PRKG1: variants seen among roughly 807,000 people sequenced by gnomAD.
PRKG1 encodes the protein protein kinase cGMP-dependent 1.
Under a neutral mutation model 88.1 loss-of-function variants are expected in PRKG1, and 35 were observed. The observed-to-expected ratio is 0.40, with a 90% CI of 0.30 to 0.53. PRKG1 has a LOEUF of 0.53. Ranked by LOEUF, PRKG1 falls within the 20% of genes least tolerant of loss-of-function variation. The probability of loss-of-function intolerance (pLI) is 0.59; values close to 1 mark genes in which losing one functional copy is unlikely to be tolerated. For synonymous variants in PRKG1, 303 were observed against 292.5 expected, an observed-to-expected ratio of 1.04 and a Z score of -0.37; for missense variants, 540 against 839.8, an observed-to-expected ratio of 0.64 and a Z score of 4.41.
intron 2 of PRKG1, among the ~76,000 whole-genome samples, chr10:51,187,792 A>C (rs1303035201): frequency 6.6e-6 from 1 of 152,058 alleles, no homozygotes; most frequent in Non-Finnish European, 1.5e-5. Flanking sequence ...AATGAACAAT[A>C]GGAATTCTCT....
intron 5 of PRKG1, among the ~76,000 whole-genome samples, chr10:52,024,385 T>C (rs1845278249): frequency 6.6e-6 from 1 of 152,076 alleles, no homozygotes; most frequent in Admixed American, 6.6e-5. Flanking sequence ...AACGTGCAGG[T>C]TTTTAACATG....
intron 5 of PRKG1, among the ~76,000 whole-genome samples, chr10:52,008,998 C>T (rs1258281651): frequency 6.6e-6 from 1 of 152,092 alleles, no homozygotes; most frequent in East Asian, 1.9e-4. Flanking sequence ...TAAAAACCCT[C>T]GATAAACTAG....
At position 52,272,430 on chromosome 10, in the gene PRKG1, T is replaced by C; in HGVS notation, c.1352T>C (p.Met451Thr). Residue 451 changes from methionine to threonine, a missense_variant, in exon 12 of 18, where the codon ATG becomes ACG. By Grantham distance (81) the Met-to-Thr change is moderately conservative. Coordinates refer to ENST00000373980, the MANE Select transcript of PRKG1 (RefSeq NM_006258.4). ...RTFKDSKYLY[M>T]LMEACLGGEL... ...TTTAAGGACAGCAAATATTTGTATA[T>C]GTTGATGGAAGCTTGTCTAGGTGGA... 6.2e-7 allele frequency: 1 copy of C among 1,611,288 alleles called. No individual in the cohort carries two copies. The highest frequency in any genetic ancestry group is 8.5e-7 in the Non-Finnish European group (1 of 1,178,084).
chr10:51,755,333 A>G (rs915260393), intron 3 of PRKG1, among the ~76,000 whole-genome samples: 4 of 152,148 alleles, frequency 2.6e-5, no homozygotes, highest in African/African-American at 9.7e-5. Flanking sequence ...CCTGCCTTGT[A>G]TATTCTTTAA....
intron 3 of PRKG1, among the ~76,000 whole-genome samples, chr10:51,763,048 A>T (rs1231200517): frequency 6.6e-6 from 1 of 152,158 alleles, no homozygotes; most frequent in Non-Finnish European, 1.5e-5. Flanking sequence ...TTACAGAGGG[A>T]TGCCATCTCG....
intron 2 of PRKG1, among the ~76,000 whole-genome samples, chr10:51,436,276 A>G (rs1382003697): frequency 6.6e-6 from 1 of 151,732 alleles, no homozygotes; most frequent in African/African-American, 2.4e-5. Context: ...GTGAAAGGGC[A>G]AGCGTAAGGA....
chr10:51,419,735 T>C (rs1398741923), intron 2 of PRKG1, among the ~76,000 whole-genome samples: 1 of 151,706 alleles, frequency 6.6e-6, no homozygotes, highest in East Asian at 1.9e-4. Flanking sequence ...ATTAGTGATG[T>C]GGAACCAAAA....
chr10:51,194,118 C>G (rs1837700204), intron 2 of PRKG1, among the ~76,000 whole-genome samples: 1 of 151,968 alleles, frequency 6.6e-6, no homozygotes, highest in South Asian at 2.1e-4. Context: ...TATTTCACCC[C>G]TTTGGTAATA....
chr10:51,310,047 A>G (rs576637954), intron 2 of PRKG1, among the ~76,000 whole-genome samples: 2 of 152,280 alleles, frequency 1.3e-5, no homozygotes, highest in African/African-American at 4.8e-5. Context: ...AATAATGTGT[A>G]CACATGGGCA....
chr10:52,064,269 G>C (rs544545313), intron 7 of PRKG1, among the ~76,000 whole-genome samples: 1 of 152,332 alleles, frequency 6.6e-6, no homozygotes, highest in East Asian at 1.9e-4. Context: ...TCAGGGGACT[G>C]GCATGCCAGC....
chr10:51,084,501 A>G (rs1472046544), intron 1 of PRKG1, among the ~76,000 whole-genome samples: 1 of 152,226 alleles, frequency 6.6e-6, no homozygotes, highest in East Asian at 1.9e-4. Context: ...GCCTTTCTAA[A>G]GATCATAAAT....
intron 2 of PRKG1, among the ~76,000 whole-genome samples, chr10:51,249,977 C>A (rs1489640753): frequency 6.6e-6 from 1 of 151,734 alleles, no homozygotes; most frequent in Non-Finnish European, 1.5e-5. Flanking sequence ...TATCCACATG[C>A]ATTTATGTAA....
chr10:51,880,918 A>G (rs1841420194), intron 4 of PRKG1, among the ~76,000 whole-genome samples: 1 of 152,202 alleles, frequency 6.6e-6, no homozygotes, highest in Non-Finnish European at 1.5e-5. Flanking sequence ...AGGAAGGCAG[A>G]CATTAAACAA....
chr10:51,762,872 A>G (rs575260944), intron 3 of PRKG1, among the ~76,000 whole-genome samples: 43 of 152,316 alleles, frequency 2.8e-4, no homozygotes, highest in African/African-American at 9.1e-4. Context: ...ACAGTGATTC[A>G]TGCAAAGGTA....
intron 3 of PRKG1, among the ~76,000 whole-genome samples, chr10:51,711,055 A>G (rs1360580630): frequency 6.6e-6 from 1 of 151,678 alleles, no homozygotes; most frequent in Non-Finnish European, 1.5e-5. Flanking sequence ...TGGGCTGGTC[A>G]GTGACTAGCT....
intron 4 of PRKG1, among the ~76,000 whole-genome samples, chr10:51,863,734 A>AACC (rs1042064826): frequency 6.6e-6 from 1 of 152,184 alleles, no homozygotes; most frequent in African/African-American, 2.4e-5. Flanking sequence ...TGTAATTCTC[A>AACC]ACCTCCAGAA....
At chr10:52,035,536 GA>G (rs1255705901) in intron 5 of PRKG1, among the ~76,000 whole-genome samples, 3 of 152,188 alleles carry the variant, frequency 2.0e-5, no homozygotes, top group Non-Finnish European at 4.4e-5. Context: ...TGATCAGGGT[GA>G]GGAAGAGGAA....
intron 3 of PRKG1, among the ~76,000 whole-genome samples, chr10:51,765,494 C>T (rs1052542009): frequency 4.6e-5 from 7 of 152,216 alleles, no homozygotes; most frequent in Non-Finnish European, 8.8e-5. Flanking sequence ...CTCATTGCTG[C>T]TTACTACAGT....
intron 12 of PRKG1, among the ~76,000 whole-genome samples, chr10:52,277,491 A>C (rs1264809884): frequency 1.3e-5 from 2 of 152,180 alleles, no homozygotes; most frequent in African/African-American, 2.4e-5. Flanking sequence ...GTTGTGTACC[A>C]GGCACTTATT....
Sources: gnomAD v4.1 joint callset for allele counts (sites outside exome capture counted in the v4.1 genomes callset) on GRCh38, gnomAD v4.1.1 for gene constraint, MANE v1.5 for transcripts, NCBI Gene and HGNC (gene_info 2026-07-23, HGNC 2026-07-21) for gene names.